Variants in RASGEF1C observed in about 807,000 individuals in gnomAD.
The protein encoded by RASGEF1C is RasGEF domain family member 1C, also known as ras-GEF domain-containing family member 1C.
A neutral mutation model predicts 58.1 loss-of-function variants in RASGEF1C; 27 were observed. The observed-to-expected ratio is 0.46, with a 90% CI of 0.34 to 0.64. The LOEUF is 0.64. Among genes scored for constraint, RASGEF1C ranks in the 30% least tolerant of loss-of-function variants. The pLI, the probability that RASGEF1C is intolerant of heterozygous loss-of-function variation, is 0.01. For missense variants in RASGEF1C, 502 were observed against 605.1 expected (o/e 0.83, Z 1.79); for synonymous variants, 243 against 246.3 (o/e 0.99, Z 0.13).
intron 1 of RASGEF1C, among the ~76,000 whole-genome samples, chr5:180,147,010 G>C (rs1298201745): frequency 6.6e-6 from 1 of 151,878 alleles, no homozygotes; most frequent in African/African-American, 2.4e-5. Flanking sequence ...TCTATTTACG[G>C]TTTCTAATTT....
chr5:180,208,090 T>A (rs1756521760), intron 1 of RASGEF1C, among the ~76,000 whole-genome samples: 1 of 152,072 alleles, frequency 6.6e-6, no homozygotes, highest in Non-Finnish European at 1.5e-5. Context: ...CCTCCACCGG[T>A]CGCCTGCACA....
chr5:180,136,949 A>C (rs1289073969), intron 3 of RASGEF1C, among the ~76,000 whole-genome samples: 1 of 152,118 alleles, frequency 6.6e-6, no homozygotes, highest in African/African-American at 2.4e-5. Flanking sequence ...GAGAAAAGGA[A>C]TTGAGGCTTC....
rs1766610211 is a variant in RASGEF1C, at chr5:180,143,227, G to A, written c.-6-5169C>T. 1.3e-5 allele frequency among the ~76,000 whole-genome samples: 2 copies of A among 152,154 alleles called. No homozygotes were observed. Among genetic ancestry groups the A allele is most frequent in the South Asian group, 4.1e-4 (2 of 4,832 alleles). On this transcript the variant is annotated intron_variant, in intron 1 of 13. Transcript: ENST00000361132. The surrounding 1 kb of genome is among the most constrained non-coding windows in gnomAD (Gnocchi z 4.3). ...TCTGATGCCTGCCAGCACCCAGCTG[G>A]GCATCCTTCCTTCTGGAGGCCTCAC... is the stretch of plus-strand genomic sequence containing the variant.
chr5:180,202,150 C>A (rs1049672854), intron 1 of RASGEF1C, among the ~76,000 whole-genome samples: 1 of 152,008 alleles, frequency 6.6e-6, no homozygotes, highest in Admixed American at 6.5e-5. Flanking sequence ...ATTAGAAAAT[C>A]TCTTAGGGAG....
At position 180,208,946 on chromosome 5, in the gene RASGEF1C, G is replaced by C. The variant is rs535026293; in HGVS notation, c.-7+82C>G. 2.4e-4 allele frequency: 35 copies of C among 142,984 alleles called. No individual in the cohort carries two copies. The South Asian group carries it at 6.2e-3, about 25-fold the overall frequency. The allele number at this position is 142,984 out of a possible 1,614,324, so 8.9% of individuals were successfully genotyped here. ...TCCCGCCTCCCGCCGACCCCGCCGCGCCGCCGGCAGCCCTCCCCAGCCCCC... is the reference window on the plus strand; with the variant it reads ...TCCCGCCTCCCGCCGACCCCGCCGCCCCGCCGGCAGCCCTCCCCAGCCCCC... On this transcript the variant is annotated intron_variant, in intron 1 of 13. Transcript: ENST00000361132.
intron 1 of RASGEF1C, among the ~76,000 whole-genome samples, chr5:180,149,300 A>T (rs188223954): frequency 6.6e-6 from 1 of 150,422 alleles, no homozygotes; most frequent in Non-Finnish European, 1.5e-5. Context: ...GTTGGCCAGG[A>T]TGGTCTCAAT....
At chr5:180,125,607 C>A (rs568994955) in intron 6 of RASGEF1C, among the ~76,000 whole-genome samples, 6,364 of 152,080 alleles carry the variant, frequency 0.042, 477 homozygotes, top group African/African-American at 0.15. Context: ...ACATGGAGAA[C>A]CCTTGTCTCT....
intron 10 of RASGEF1C, among the ~76,000 whole-genome samples, chr5:180,117,261 G>A (rs1030009917): frequency 2.0e-5 from 3 of 152,234 alleles, no homozygotes; most frequent in African/African-American, 4.8e-5. Context: ...AGAGCCATCC[G>A]TGTGGCCGGT....
intron 1 of RASGEF1C, among the ~76,000 whole-genome samples, chr5:180,208,514 T>C (rs1406827113): frequency 6.6e-6 from 1 of 152,140 alleles, no homozygotes; most frequent in Non-Finnish European, 1.5e-5. Context: ...CAGACCCCAC[T>C]GTTCTCGCAG....
chr5:180,167,488 C>CTAAA lies in RASGEF1C; in HGVS notation c.-6-29434_-6-29431dup, dbSNP rs970393660. Among the ~76,000 whole-genome samples, 7 of 151,718 alleles carry CTAAA rather than the reference C, an allele frequency of 4.6e-5. No homozygotes were observed. The East Asian group carries it at 5.8e-4, about 13-fold the overall frequency. On this transcript the variant is annotated intron_variant, in intron 1 of 13. Coordinates refer to ENST00000361132, the MANE Select transcript of RASGEF1C (RefSeq NM_175062.4). ...TGGGTGACAGAGTGAGACCCTGTCT[C>CTAAA]TAAATAAATAAATAAATAATAAAAT...
At chr5:180,106,389 A>G (rs908955628) in intron 12 of RASGEF1C, among the ~76,000 whole-genome samples, 1 of 152,016 alleles carries the variant, frequency 6.6e-6, no homozygotes, top group East Asian at 1.9e-4. Flanking sequence ...TATTGATTTG[A>G]CACTTCCCCT....
At chr5:180,182,161 C>T (rs1179401363) in intron 1 of RASGEF1C, among the ~76,000 whole-genome samples, 8 of 133,610 alleles carry the variant, frequency 6.0e-5, no homozygotes, top group Admixed American at 8.1e-5. Context: ...GTCGAGATCG[C>T]GCCACTGAAC....
chr5:180,151,810 A>G (rs949718678), intron 1 of RASGEF1C, among the ~76,000 whole-genome samples: 8 of 151,882 alleles, frequency 5.3e-5, no homozygotes, highest in Non-Finnish European at 1.0e-4. Flanking sequence ...AACTTTTGCA[A>G]TCTACTCATC....
intron 1 of RASGEF1C, among the ~76,000 whole-genome samples, chr5:180,180,989 G>A (rs762569140): frequency 3.3e-5 from 5 of 152,220 alleles, no homozygotes; most frequent in Non-Finnish European, 7.3e-5. Flanking sequence ...GGATCACCAC[G>A]CAGGGCACTA....
At chr5:180,190,511 ATAAT>A (rs200481113) in intron 1 of RASGEF1C, among the ~76,000 whole-genome samples, 89 of 110,096 alleles carry the variant, frequency 8.1e-4, no homozygotes, top group Non-Finnish European at 1.2e-3. Context: ...AAAAAAAATA[ATAAT>A]AATAATAATA....
chr5:180,201,261 G>A (rs1756390856), intron 1 of RASGEF1C, among the ~76,000 whole-genome samples: 1 of 152,186 alleles, frequency 6.6e-6, no homozygotes, highest in Non-Finnish European at 1.5e-5. Context: ...CAGGCATGTG[G>A]CCTGGAAGTA....
At chr5:180,115,347 A>G (rs1190330496) in intron 10 of RASGEF1C, 10 of 419,384 alleles carry the variant, frequency 2.4e-5, no homozygotes. Context: ...TGATGCTAAG[A>G]TCTGATCCCG....
rs952821665 is a variant in RASGEF1C at position 180,158,736 on chromosome 5, G to A, written c.-6-20678C>T. Among the ~76,000 whole-genome samples the A allele has an allele frequency of 8.5e-5, 13 of 152,090 alleles. No individual in the cohort carries two copies. The highest frequency in any genetic ancestry group is 2.7e-4 in the African/African-American group (11 of 41,404). The stretch of plus-strand genomic sequence containing the variant: ...ATTTCACAAGGACGCACCTTGACAC[G>A]GGCCTTTCTATGTCCCTCGTGTGGA... On this transcript the variant is annotated intron_variant, in intron 1 of 13. Transcript: ENST00000361132. The surrounding 1 kb of genome is among the most constrained non-coding windows in gnomAD (Gnocchi z 4.0).
chr5:180,173,892 A>C (rs59806822), intron 1 of RASGEF1C, among the ~76,000 whole-genome samples: 1 of 146,936 alleles, frequency 6.8e-6, no homozygotes, highest in Non-Finnish European at 1.5e-5. Context: ...CAGCCTGGGC[A>C]ACAGAGCGAG....
Sources: gnomAD v4.1 joint callset for allele counts (sites outside exome capture counted in the v4.1 genomes callset) on GRCh38, gnomAD v4.1.1 for gene constraint, Gnocchi (gnomAD v3.1) non-coding constraint, MANE v1.5 for transcripts, NCBI Gene and HGNC (gene_info 2026-07-23, HGNC 2026-07-21) for gene names.